The following MBOAT2 variants were observed in gnomAD, a reference collection of about 807,000 sequenced individuals.
MBOAT2 encodes the protein membrane bound glycerophospholipid O-acyltransferase 2, also known as membrane-bound glycerophospholipid O-acyltransferase 2.
In MBOAT2, 28 loss-of-function variants were observed where a neutral mutation model predicts 63.4. The ratio of observed to expected loss-of-function variants is 0.44; its 90% CI spans 0.33 to 0.61. MBOAT2 has a LOEUF of 0.61. Among genes scored for constraint, MBOAT2 ranks in the 20% least tolerant of loss-of-function variants. The pLI is 0.03. For missense variants in MBOAT2, 470 were observed against 605.8 expected (o/e 0.78, Z 2.35); for synonymous variants, 211 against 215.6 (o/e 0.98, Z 0.19).
At position 8,994,537 on chromosome 2, in the gene MBOAT2, G is replaced by A. The variant is rs1183485677; in HGVS notation, c.75+9003C>T. Among the ~76,000 whole-genome samples the A allele has an allele frequency of 4.6e-5, 7 of 152,352 alleles. No individual in the cohort carries two copies. In the East Asian group the frequency reaches 1.3e-3, roughly 29 times the overall value. The stretch of plus-strand genomic sequence containing the variant: ...CAGAGCAAAGGAGAGAGGCAGATCA[G>A]GAATACCAGGGGCCTCTCTTCTCTC... On this transcript the variant is annotated intron_variant, in intron 1 of 12. Transcript: ENST00000305997.
chr2:8,888,353 C>G (rs77251642), intron 4 of MBOAT2, among the ~76,000 whole-genome samples: 2 of 152,170 alleles, frequency 1.3e-5, no homozygotes, highest in Non-Finnish European at 2.9e-5. Context: ...AGTGATCTAA[C>G]CTGGCCTCCT....
chr2:8,967,472 G>A (rs1006603953), intron 1 of MBOAT2, among the ~76,000 whole-genome samples: 1 of 152,100 alleles, frequency 6.6e-6, no homozygotes, highest in Non-Finnish European at 1.5e-5. Context: ...AAACATTCTT[G>A]GATGGGAAGA....
chr2:9,000,711 T>C (rs1462880123), intron 1 of MBOAT2, among the ~76,000 whole-genome samples: 1 of 152,174 alleles, frequency 6.6e-6, no homozygotes, highest in African/African-American at 2.4e-5. Flanking sequence ...GGAGGGTGAG[T>C]GACCAGCGTG....
At position 8,965,090 on chromosome 2, in the gene MBOAT2, G is replaced by A. The variant is rs1329400803; in HGVS notation, c.76-6448C>T. Reference sequence around the variant, plus strand: ...AGCTCTTTAGCTTTTTATTTTTGCAGTATACATACAACTGTATTACACGAA... The same window carrying A: ...AGCTCTTTAGCTTTTTATTTTTGCAATATACATACAACTGTATTACACGAA... On this transcript the variant is annotated intron_variant, in intron 1 of 12. Coordinates refer to ENST00000305997, the MANE Select transcript of MBOAT2 (RefSeq NM_138799.4). Among the ~76,000 whole-genome samples, 3 of 152,018 alleles carry A rather than the reference G, an allele frequency of 2.0e-5. No homozygotes were observed. In the East Asian group the frequency reaches 5.8e-4, roughly 29 times the overall value.
chr2:8,952,654 A>G (rs1463662935), intron 2 of MBOAT2, among the ~76,000 whole-genome samples: 1 of 152,000 alleles, frequency 6.6e-6, no homozygotes, highest in Admixed American at 6.6e-5. Context: ...AACCCTTGAG[A>G]GGGAGGATTT....
At chr2:8,958,723 A>G (rs1669403725) in intron 1 of MBOAT2, 81 bp from the exon 2 acceptor site, 4 of 1,325,466 alleles carry the variant, frequency 3.0e-6, no homozygotes. Flanking sequence ...TTCTCAGGAC[A>G]AAAACACCAA....
At chr2:8,859,218 T>C (rs1482450166) in intron 12 of MBOAT2, among the ~76,000 whole-genome samples, 1 of 152,108 alleles carries the variant, frequency 6.6e-6, no homozygotes, top group Middle Eastern at 3.2e-3. Context: ...CCGGTAGCAA[T>C]CTGAAAATCT....
chr2:8,883,341 TTAA>T (rs1663286108), intron 5 of MBOAT2, among the ~76,000 whole-genome samples: 1 of 152,178 alleles, frequency 6.6e-6, no homozygotes, highest in Non-Finnish European at 1.5e-5. Flanking sequence ...AATTTCACGA[TTAA>T]TAATGTTTTC....
chr2:8,965,088 C>T lies in MBOAT2; in HGVS notation c.76-6446G>A, dbSNP rs10929561. 6.8e-4 allele frequency among the ~76,000 whole-genome samples: 103 copies of T among 152,184 alleles called. 1 individual carries two copies. In the East Asian group the frequency reaches 0.019, roughly 28 times the overall value. ...TGAGCTCTTTAGCTTTTTATTTTTG[C>T]AGTATACATACAACTGTATTACACG... On this transcript the variant is annotated intron_variant, in intron 1 of 12. Coordinates refer to ENST00000305997, the MANE Select transcript of MBOAT2 (RefSeq NM_138799.4).
chr2:8,873,598 T>C (rs1292744905), intron 7 of MBOAT2, among the ~76,000 whole-genome samples: 2 of 151,572 alleles, frequency 1.3e-5, no homozygotes, highest in East Asian at 1.9e-4. Flanking sequence ...CATAAGTGTA[T>C]TGGTGTGAAT....
intron 4 of MBOAT2, among the ~76,000 whole-genome samples, chr2:8,889,419 G>A (rs1490424219): frequency 1.3e-5 from 2 of 152,342 alleles, no homozygotes; most frequent in Middle Eastern, 3.4e-3. Flanking sequence ...AACTGGAAGT[G>A]CTTAAGGGAG....
At chr2:8,893,926 C>G (rs1232011179) in intron 4 of MBOAT2, among the ~76,000 whole-genome samples, 1 of 152,074 alleles carries the variant, frequency 6.6e-6, no homozygotes, top group Non-Finnish European at 1.5e-5. Context: ...AGGCCTGTCA[C>G]CAGCTTCTCA....
intron 4 of MBOAT2, among the ~76,000 whole-genome samples, chr2:8,896,247 A>G (rs1463393474): frequency 6.6e-6 from 1 of 151,820 alleles, no homozygotes; most frequent in Non-Finnish European, 1.5e-5. Context: ...TCAAAAAAAA[A>G]AAAAAAAAAA....
At position 8,908,669 on chromosome 2, in the gene MBOAT2, G is replaced by C; in HGVS notation, c.347C>G (p.Thr116Ser). 1.2e-6 allele frequency: 2 copies of C among 1,612,196 alleles called. No individual in the cohort carries two copies. Among genetic ancestry groups the C allele is most frequent in the Non-Finnish European group, 1.7e-6 (2 of 1,178,918 alleles). Residue 116 changes from threonine (T) to serine (S), a missense_variant, in exon 4 of 13, where the codon ACT becomes AGT. This residue lies in a region of MBOAT2 where 376 missense variants were observed against 503.8 expected (regional missense o/e 0.75). Transcript: ENST00000305997. Reference protein sequence around the residue: ...ALGYLTVCQVTRVYIFDYGQY... With the variant: ...ALGYLTVCQVSRVYIFDYGQY... ...TCCATAGTCAAAGATATAGACTCGA[G>C]TAACTTGGCACACTGTGAGGTATCC... is the stretch of plus-strand genomic sequence containing the variant.
Position 8,873,132 on chromosome 2 carries a change from T to C in MBOAT2, c.859A>G (p.Lys287Glu). The C allele has an allele frequency of 6.2e-7, 1 of 1,614,040 alleles. No individual in the cohort carries two copies. Among genetic ancestry groups the C allele is most frequent in the Non-Finnish European group, 8.5e-7 (1 of 1,179,954 alleles). The change falls in exon 8 of 13, where the codon AAA (lysine) becomes GAA (glutamate). Residue 287 changes from lysine (K) to glutamate (E), a missense_variant. Lys to Glu is a moderately conservative substitution (Grantham distance 56). Coordinates refer to ENST00000305997, the MANE Select transcript of MBOAT2 (RefSeq NM_138799.4). ...CCTAGCGTCCATGCAAAATAGTATTTGGGTCTGGCAGCCAAAAGAGAGATA... is the reference window on the plus strand; with the variant it reads ...CCTAGCGTCCATGCAAAATAGTATTCGGGTCTGGCAGCCAAAAGAGAGATA... ...LYISLLAARP[K>E]YYFAWTLADA... is the part of the protein sequence containing the mutation.
chr2:9,002,827 G>A (rs185464597), intron 1 of MBOAT2, among the ~76,000 whole-genome samples: 1 of 152,160 alleles, frequency 6.6e-6, no homozygotes, highest in Admixed American at 6.5e-5. Flanking sequence ...TTTTCTGAGG[G>A]CTGGGCAAGG....
At chr2:8,876,200 T>C (rs1368942601) in intron 7 of MBOAT2, among the ~76,000 whole-genome samples, 2 of 152,236 alleles carry the variant, frequency 1.3e-5, no homozygotes, top group Non-Finnish European at 2.9e-5. Context: ...CAATTTCAAG[T>C]GCCCCAGTGG....
chr2:8,930,004 A>G (rs1158264898), intron 3 of MBOAT2, among the ~76,000 whole-genome samples: 3 of 152,130 alleles, frequency 2.0e-5, no homozygotes, highest in Non-Finnish European at 4.4e-5. Flanking sequence ...CTCCCCTGAA[A>G]CTAAAAGGAA....
intron 1 of MBOAT2, among the ~76,000 whole-genome samples, chr2:8,976,557 C>T (rs1558675950): frequency 6.6e-6 from 1 of 152,130 alleles, no homozygotes; most frequent in Non-Finnish European, 1.5e-5. Context: ...AAAGGATGGG[C>T]CTGCTTCCTC....
Sources: allele counts gnomAD v4.1 joint callset (sites outside exome capture counted in the v4.1 genomes callset), GRCh38; gene constraint gnomAD v4.1.1; regional missense constraint gnomAD v4.1.1; transcripts MANE v1.5; gene names NCBI Gene and HGNC (gene_info 2026-07-23, HGNC 2026-07-21).